PLCH1: variants seen among roughly 807,000 people sequenced by gnomAD.
The protein encoded by PLCH1 is 1-phosphatidylinositol 4,5-bisphosphate phosphodiesterase eta-1.
In PLCH1, 60 loss-of-function variants were observed where a neutral mutation model predicts 126.7. The observed-to-expected ratio is 0.47, with a 90% CI of 0.38 to 0.59. The LOEUF is 0.59. Among genes scored for constraint, PLCH1 ranks in the 20% least tolerant of loss-of-function variants. PLCH1 has a pLI of 0.00. For synonymous variants in PLCH1, 719 were observed against 734.9 expected (o/e 0.98, Z 0.35); for missense variants, 1,723 against 2,040.0 (o/e 0.84, Z 2.99).
At chr3:155,545,329 C>G (rs1318500615) in intron 10 of PLCH1, among the ~76,000 whole-genome samples, 11 of 152,154 alleles carry the variant, frequency 7.2e-5, no homozygotes, top group African/African-American at 2.6e-4. Flanking sequence ...CCTCCCAAGA[C>G]TAAACCAGGA....
At chr3:155,492,980 G>T in intron 17 of PLCH1, 127 bp from the exon 18 acceptor site, 1 of 794,974 alleles carries the variant, frequency 1.3e-6, no homozygotes, top group South Asian at 3.2e-5. Flanking sequence ...ATAACTATCA[G>T]TGTGGCATAG....
At chr3:155,655,636 T>C (rs907474892) in intron 2 of PLCH1, among the ~76,000 whole-genome samples, 7 of 152,086 alleles carry the variant, frequency 4.6e-5, no homozygotes, top group African/African-American at 1.7e-4. Flanking sequence ...CAGACAATAC[T>C]ACAAACTTCC....
intron 2 of PLCH1, among the ~76,000 whole-genome samples, chr3:155,630,176 G>C (rs1166163932): frequency 6.6e-6 from 1 of 152,158 alleles, no homozygotes; most frequent in Non-Finnish European, 1.5e-5. Flanking sequence ...TCAACAAACA[G>C]ATCTAAAGGA....
At chr3:155,742,568 T>A (rs1749713601) in intron 1 of PLCH1, 1 of 152,178 alleles carries the variant, frequency 6.6e-6, no homozygotes, top group Non-Finnish European at 1.5e-5. Flanking sequence ...GTTTACCTCC[T>A]GGAACCAGCA....
chr3:155,658,976 G>A (rs6441007), intron 2 of PLCH1, among the ~76,000 whole-genome samples: 257 of 152,230 alleles, frequency 1.7e-3, no homozygotes, highest in African/African-American at 5.8e-3. Flanking sequence ...AACTTAACTG[G>A]TTGACATGAG....
At chr3:155,718,774 G>A (rs1226988534) in intron 1 of PLCH1, among the ~76,000 whole-genome samples, 1 of 152,022 alleles carries the variant, frequency 6.6e-6, no homozygotes, top group African/African-American at 2.4e-5. Flanking sequence ...CTCTAACATT[G>A]GGGATTACAA....
In PLCH1 at chr3:155,693,285, G is replaced by GAA. The variant is rs1745550273; in HGVS notation, c.79+10859_79+10860dup. On this transcript the variant is annotated intron_variant, in intron 2 of 22. Transcript: ENST00000460012. ...TCGAGACCATCCTGGCTAACAAGGTGAAACCCCGTCTCTACTAAAAATACA... is the reference window on the plus strand; with the variant it reads ...TCGAGACCATCCTGGCTAACAAGGTGAAAAACCCCGTCTCTACTAAAAATACA... 5.5e-5 allele frequency among the ~76,000 whole-genome samples: 2 copies of GAA among 36,210 alleles called. 1 individual carries two copies. Among genetic ancestry groups the GAA allele is most frequent in the Non-Finnish European group, 8.3e-5 (2 of 24,030 alleles). The allele number at this position is 36,210 out of a possible 152,430, so 23.8% of individuals were successfully genotyped here.
chr3:155,666,474 T>C (rs1742736824), intron 2 of PLCH1, among the ~76,000 whole-genome samples: 1 of 152,246 alleles, frequency 6.6e-6, no homozygotes, highest in Non-Finnish European at 1.5e-5. Flanking sequence ...TCTTTAAAGT[T>C]ACAGTGTGTT....
rs1213441519 is a variant in PLCH1, at chr3:155,483,477, A to G, written c.2975-426T>C. On this transcript the variant is annotated intron_variant, in intron 22 of 22. Coordinates refer to ENST00000460012, the MANE Select transcript of PLCH1 (RefSeq NM_014996.4). ...ATACTATAAGCTTTCAAAGTTATAC[A>G]TGTATTAGTTAAAACAAAAAAAGAA... 3.7e-5 allele frequency: 23 copies of G among 618,780 alleles called. No individual in the cohort carries two copies. In the South Asian group the frequency reaches 7.6e-4, roughly 20 times the overall value. 38.3% of individuals were successfully genotyped at this position (618,780 alleles called of 1,614,324 possible). A position where few individuals can be genotyped will look rare whatever the true frequency, so the allele number is the denominator to read the frequency against.
At chr3:155,590,970 T>C (rs1415881113) in intron 4 of PLCH1, among the ~76,000 whole-genome samples, 2 of 152,196 alleles carry the variant, frequency 1.3e-5, no homozygotes, top group African/African-American at 4.8e-5. Context: ...AGTGCCACAG[T>C]ACACCTGCTT....
rs1037407203 is a variant in PLCH1 at position 155,534,922 on chromosome 3, T to A, written c.1363-10918A>T. On this transcript the variant is annotated intron_variant, in intron 10 of 22. Transcript: ENST00000460012. Reference sequence around the variant, plus strand: ...TAAGTTTCATGAGGCTTCCTAGACATGCTTCCTGTTAAGCCTGTGAAACTG... The same window carrying A: ...TAAGTTTCATGAGGCTTCCTAGACAAGCTTCCTGTTAAGCCTGTGAAACTG... Among the ~76,000 whole-genome samples, 3 of 152,358 alleles carry A rather than the reference T, an allele frequency of 2.0e-5. No individual in the cohort carries two copies. The East Asian group carries it at 5.8e-4, about 29-fold the overall frequency.
At chr3:155,596,486 G>A in intron 2 of PLCH1, 108 bp from the exon 3 acceptor site, 1 of 847,568 alleles carries the variant, frequency 1.2e-6, no homozygotes, top group Non-Finnish European at 1.8e-6. Context: ...AAGACTCCAA[G>A]GACCAGAACA....
intron 2 of PLCH1, among the ~76,000 whole-genome samples, chr3:155,699,040 G>T: frequency 7.1e-6 from 1 of 140,668 alleles, no homozygotes; most frequent in African/African-American, 2.7e-5. Context: ...TTTTTCCCTG[G>T]TCCTCTCTAA....
intron 14 of PLCH1, among the ~76,000 whole-genome samples, chr3:155,498,544 G>GAACT (rs1163810406): frequency 6.6e-6 from 1 of 152,148 alleles, no homozygotes; most frequent in African/African-American, 2.4e-5. Flanking sequence ...GTTCATCAGG[G>GAACT]AACTACATGG....
At chr3:155,628,582 CTT>C (rs1317962647) in intron 2 of PLCH1, among the ~76,000 whole-genome samples, 1 of 146,342 alleles carries the variant, frequency 6.8e-6, no homozygotes, top group East Asian at 2.0e-4. Context: ...GGGGGAGGGG[CTT>C]CTTCATTCTT....
chr3:155,625,152 T>C (rs7610412), intron 2 of PLCH1, among the ~76,000 whole-genome samples: 73,789 of 151,948 alleles, frequency 0.49, 20,299 homozygotes, highest in African/African-American at 0.74. Context: ...AAAGGATTCC[T>C]TATTTAATAA....
intron 2 of PLCH1, among the ~76,000 whole-genome samples, chr3:155,630,145 C>T (rs1737855515): frequency 6.6e-6 from 1 of 152,196 alleles, no homozygotes; most frequent in South Asian, 2.1e-4. Context: ...TTTTTGTTCA[C>T]TGGACTAATG....
chr3:155,711,631 G>A (rs1747131433), intron 1 of PLCH1, among the ~76,000 whole-genome samples: 1 of 152,110 alleles, frequency 6.6e-6, no homozygotes, highest in African/African-American at 2.4e-5. Context: ...TTTCCTCTGG[G>A]AAAATCCTTC....
chr3:155,632,858 C>T (rs1248127420), intron 2 of PLCH1, among the ~76,000 whole-genome samples: 1 of 152,122 alleles, frequency 6.6e-6, no homozygotes, highest in Non-Finnish European at 1.5e-5. Context: ...AAGCTCATTT[C>T]CAACTTGCCA....
Sources: allele counts gnomAD v4.1 joint callset (sites outside exome capture counted in the v4.1 genomes callset), GRCh38; gene constraint gnomAD v4.1.1; transcripts MANE v1.5; gene names NCBI Gene and HGNC (gene_info 2026-07-23, HGNC 2026-07-21).